HEPHL1: variants seen among roughly 807,000 people sequenced by gnomAD.
HEPHL1 encodes the protein hephaestin like 1.
In HEPHL1, 123 loss-of-function variants were observed where a neutral mutation model predicts 122.0. The observed-to-expected ratio is 1.01, with a 90% CI of 0.87 to 1.17. HEPHL1 has a LOEUF of 1.17. HEPHL1 is among the 50% of genes most tolerant of loss of function. HEPHL1 has a pLI of 0.00. For synonymous variants in HEPHL1, 527 were observed against 508.9 expected, an observed-to-expected ratio of 1.04 and a Z score of -0.48; for missense variants, 1,452 against 1,430.5, an observed-to-expected ratio of 1.01 and a Z score of -0.24.
intron 8 of HEPHL1, among the ~76,000 whole-genome samples, chr11:94,073,647 T>G (rs945985705): frequency 5.3e-5 from 8 of 152,156 alleles, no homozygotes; most frequent in African/African-American, 1.9e-4. Flanking sequence ...GGAGAGAATT[T>G]AGGACAAGGT....
At chr11:94,054,842 G>A (rs1055414828) in intron 2 of HEPHL1, among the ~76,000 whole-genome samples, 13 of 152,316 alleles carry the variant, frequency 8.5e-5, no homozygotes, top group East Asian at 1.9e-4. Flanking sequence ...TTGAATATGC[G>A]AAGAAAGAAA....
chr11:94,099,238 G>A (rs1035386973), intron 13 of HEPHL1, among the ~76,000 whole-genome samples: 3 of 152,204 alleles, frequency 2.0e-5, no homozygotes, highest in Admixed American at 6.5e-5. Context: ...AACAGTCAGG[G>A]CCCTCAGCTG....
At chr11:94,090,208 C>G (rs1442602516) in intron 12 of HEPHL1, among the ~76,000 whole-genome samples, 1 of 151,990 alleles carries the variant, frequency 6.6e-6, no homozygotes, top group Non-Finnish European at 1.5e-5. Context: ...TTCTGCAAAA[C>G]TAGTGCTGCC....
At chr11:94,031,331 T>TACACACAC (rs3058474) in intron 1 of HEPHL1, among the ~76,000 whole-genome samples, 2,251 of 144,570 alleles carry the variant, frequency 0.016, 32 homozygotes, top group Middle Eastern at 0.028. Flanking sequence ...TGTGCATTGT[T>TACACACAC]ACACACACAC....
At chr11:94,093,271 G>A (rs1247694382) in intron 12 of HEPHL1, among the ~76,000 whole-genome samples, 1 of 152,046 alleles carries the variant, frequency 6.6e-6, no homozygotes, top group Non-Finnish European at 1.5e-5. Flanking sequence ...TTCCAAGGGT[G>A]GGCCATGGAC....
chr11:94,078,909 G>C (rs912154903), intron 9 of HEPHL1, among the ~76,000 whole-genome samples: 1 of 152,150 alleles, frequency 6.6e-6, no homozygotes, highest in East Asian at 1.9e-4. Context: ...TGGGCACACT[G>C]TGGCCCAGTT....
At chr11:94,054,853 G>A (rs995046209) in intron 2 of HEPHL1, among the ~76,000 whole-genome samples, 3 of 152,226 alleles carry the variant, frequency 2.0e-5, no homozygotes, top group African/African-American at 4.8e-5. Flanking sequence ...AAGAAAGAAA[G>A]AGCTTCATTT....
At chr11:94,086,702 G>A (rs1314097696) in intron 11 of HEPHL1, among the ~76,000 whole-genome samples, 13 of 152,302 alleles carry the variant, frequency 8.5e-5, no homozygotes, top group African/African-American at 2.4e-4. Flanking sequence ...TTTCCCAACA[G>A]GGCAAGCTGC....
intron 13 of HEPHL1, among the ~76,000 whole-genome samples, chr11:94,097,431 T>G (rs1008380519): frequency 1.3e-5 from 2 of 152,220 alleles, no homozygotes; most frequent in African/African-American, 2.4e-5. Context: ...AGTGCTTTAC[T>G]TCCAACTATG....
At chr11:94,032,682 G>T (rs901627670) in intron 1 of HEPHL1, among the ~76,000 whole-genome samples, 1 of 152,090 alleles carries the variant, frequency 6.6e-6, no homozygotes, top group Non-Finnish European at 1.5e-5. Flanking sequence ...ACCACCAGGT[G>T]ATGGTCAGGC....
intron 2 of HEPHL1, among the ~76,000 whole-genome samples, chr11:94,059,857 A>G (rs1365193965): frequency 1.3e-5 from 2 of 152,042 alleles, no homozygotes; most frequent in Non-Finnish European, 2.9e-5. Flanking sequence ...AATTGTGAAC[A>G]TAAGAATTTC....
At chr11:94,056,265 A>G (rs1420577838) in intron 2 of HEPHL1, among the ~76,000 whole-genome samples, 1 of 152,168 alleles carries the variant, frequency 6.6e-6, no homozygotes, top group Non-Finnish European at 1.5e-5. Flanking sequence ...CAATACAAAC[A>G]GCATATAATA....
At chr11:94,052,402 T>G (rs1436410005) in intron 2 of HEPHL1, among the ~76,000 whole-genome samples, 1 of 152,124 alleles carries the variant, frequency 6.6e-6, no homozygotes, top group African/African-American at 2.4e-5. Flanking sequence ...ATTACTTTCT[T>G]GATTTCTTTT....
intron 15 of HEPHL1, among the ~76,000 whole-genome samples, chr11:94,104,124 G>A (rs1427114990): frequency 1.3e-5 from 2 of 152,184 alleles, no homozygotes; most frequent in Non-Finnish European, 2.9e-5. Context: ...GGAAGAAAGA[G>A]CATTATGAGC....
chr11:94,111,024 A>T lies in HEPHL1; in HGVS notation c.3167A>T (p.His1056Leu), dbSNP rs1238320779. 5 of 1,607,412 alleles carry T rather than the reference A, an allele frequency of 3.1e-6. No individual in the cohort carries two copies. The Admixed American group carries it at 8.5e-5, about 27-fold the overall frequency. ...CACTGTCATGTGTCTGACCACATCC[A>T]TGCTGGCATGGAGACAACCTACACG... The part of the protein sequence containing the change: ...LLHCHVSDHI[H>L]AGMETTYTVL... Residue 1056 changes from histidine (H) to leucine (L), a missense_variant, in exon 18 of 20, where the codon CAT becomes CTT. Transcript: ENST00000315765.
At chr11:94,110,017 T>C (rs1946436387) in intron 17 of HEPHL1, among the ~76,000 whole-genome samples, 1 of 152,238 alleles carries the variant, frequency 6.6e-6, no homozygotes, top group Non-Finnish European at 1.5e-5. Context: ...TATAGTGCTA[T>C]CCAGGTTATC....
At chr11:94,076,205 A>G (rs1946122208) in intron 9 of HEPHL1, among the ~76,000 whole-genome samples, 1 of 152,174 alleles carries the variant, frequency 6.6e-6, no homozygotes, top group African/African-American at 2.4e-5. Context: ...GGAAATGTCT[A>G]TTGCATGTGT....
chr11:94,073,219 A>G, intron 7 of HEPHL1, 55 bp downstream of exon 7: 1 of 1,608,452 alleles, frequency 6.2e-7, no homozygotes, highest in Non-Finnish European at 8.5e-7. Context: ...TTAGCTGGGC[A>G]TGTACATCTG....
At chr11:94,077,196 T>C (rs1683569194) in intron 9 of HEPHL1, among the ~76,000 whole-genome samples, 1 of 152,182 alleles carries the variant, frequency 6.6e-6, no homozygotes, top group South Asian at 2.1e-4. Flanking sequence ...AGTAAAATTA[T>C]CTGAGTCAGA....
Sources: gnomAD v4.1 joint callset for allele counts (sites outside exome capture counted in the v4.1 genomes callset) on GRCh38, gnomAD v4.1.1 for gene constraint, MANE v1.5 for transcripts, NCBI Gene and HGNC (gene_info 2026-07-23, HGNC 2026-07-21) for gene names.